Variants in STK39 observed in about 807,000 individuals in gnomAD.
STK39 encodes STE20/SPS1-related proline-alanine-rich protein kinase.
In STK39, 20 loss-of-function variants were observed where a neutral mutation model predicts 77.8. The observed-to-expected ratio is 0.26, with a 90% CI of 0.18 to 0.37. The LOEUF is 0.37. Ranked by LOEUF, STK39 falls within the 10% of genes least tolerant of loss-of-function variation. STK39 has a pLI of 1.00. For synonymous variants in STK39, 246 were observed against 234.1 expected (o/e 1.05, Z -0.47); for missense variants, 479 against 656.5 (o/e 0.73, Z 2.95).
chr2:168,161,909 GAA>G, intron 4 of STK39, 67 bp from the exon 5 acceptor site: 7 of 1,215,908 alleles, frequency 5.8e-6, no homozygotes, highest in Non-Finnish European at 8.2e-6. Context: ...ATTCACTCAG[GAA>G]GATTTTAAAA....
chr2:168,021,089 T>A (rs1684559243), intron 14 of STK39, among the ~76,000 whole-genome samples: 1 of 152,210 alleles, frequency 6.6e-6, no homozygotes, highest in Non-Finnish European at 1.5e-5. Flanking sequence ...GGAATTTGGT[T>A]GGACATTAAT....
intron 10 of STK39, among the ~76,000 whole-genome samples, chr2:168,092,014 T>C (rs534129203): frequency 1.6e-4 from 24 of 152,194 alleles, no homozygotes; most frequent in Non-Finnish European, 2.5e-4. Flanking sequence ...TTTTTCAGTT[T>C]ACTTATTCAA....
intron 14 of STK39, among the ~76,000 whole-genome samples, chr2:168,043,371 A>C (rs1685157941): frequency 6.6e-6 from 1 of 152,200 alleles, no homozygotes; most frequent in Non-Finnish European, 1.5e-5. Flanking sequence ...ATGATTCCTA[A>C]TTTTTAAATT....
chr2:168,076,803 G>A (rs532112779), intron 10 of STK39, among the ~76,000 whole-genome samples: 7 of 151,594 alleles, frequency 4.6e-5, no homozygotes, highest in Non-Finnish European at 8.8e-5. Context: ...TATTTCTTCC[G>A]CTTGCATTTT....
At chr2:168,227,357 T>C (rs1431549141) in intron 1 of STK39, among the ~76,000 whole-genome samples, 2 of 152,220 alleles carry the variant, frequency 1.3e-5, no homozygotes, top group Non-Finnish European at 2.9e-5. Flanking sequence ...TGCCAAAAGC[T>C]ATTTTGTCCT....
At chr2:167,995,323 T>G (rs1683808956) in intron 16 of STK39, among the ~76,000 whole-genome samples, 1 of 152,134 alleles carries the variant, frequency 6.6e-6, no homozygotes, top group South Asian at 2.1e-4. Context: ...TGGGCTAGGA[T>G]GGTCTCGATC....
chr2:168,191,036 C>T (rs1689327247), intron 1 of STK39, among the ~76,000 whole-genome samples: 1 of 152,188 alleles, frequency 6.6e-6, no homozygotes, highest in African/African-American at 2.4e-5. Flanking sequence ...GTGGTGGTGG[C>T]TTCTGATTCC....
chr2:168,113,979 C>T (rs527973513), intron 10 of STK39, among the ~76,000 whole-genome samples: 1 of 152,198 alleles, frequency 6.6e-6, no homozygotes, highest in African/African-American at 2.4e-5. Context: ...TTTGTTCAAA[C>T]AGATGCATTC....
intron 1 of STK39, among the ~76,000 whole-genome samples, chr2:168,212,909 C>CA (rs1360521638): frequency 7.9e-5 from 12 of 152,088 alleles, no homozygotes; most frequent in East Asian, 1.9e-4. Context: ...CTTGAAACCA[C>CA]AAAAAAGATA....
chr2:168,109,118 T>G (rs369432199), intron 10 of STK39, among the ~76,000 whole-genome samples: 73 of 152,318 alleles, frequency 4.8e-4, no homozygotes, highest in African/African-American at 1.7e-3. Context: ...GTTGTTGCGA[T>G]GTAATATTCA....
In STK39 at chr2:168,048,458, G is replaced by A. The variant is rs188877075; in HGVS notation, c.1376+15042C>T. ...CGATCTCCTGACCTCGTGATCCGCCGGCCTTGGCCTCCCAAAGTGCTGGGA... is the reference window on the plus strand; with the variant it reads ...CGATCTCCTGACCTCGTGATCCGCCAGCCTTGGCCTCCCAAAGTGCTGGGA... On this transcript the variant is annotated intron_variant, in intron 14 of 17. Transcript: ENST00000355999. 7.7e-3 allele frequency among the ~76,000 whole-genome samples: 1,171 copies of A among 151,820 alleles called. 20 individuals are homozygous for A. Among genetic ancestry groups the A allele is most frequent in the African/African-American group, 0.027 (1,116 of 41,428 alleles).
At chr2:168,125,722 A>C (rs1275292811) in intron 10 of STK39, among the ~76,000 whole-genome samples, 1 of 152,178 alleles carries the variant, frequency 6.6e-6, no homozygotes, top group Non-Finnish European at 1.5e-5. Context: ...CACACCCAAA[A>C]AAAATGTTTT....
chr2:168,225,186 G>A (rs1401713984), intron 1 of STK39, among the ~76,000 whole-genome samples: 1 of 152,086 alleles, frequency 6.6e-6, no homozygotes, highest in Middle Eastern at 3.2e-3. Flanking sequence ...AATCTTCCAG[G>A]GGATATTAAC....
intron 1 of STK39, among the ~76,000 whole-genome samples, chr2:168,206,326 G>T (rs1313131404): frequency 2.7e-5 from 4 of 150,832 alleles, no homozygotes; most frequent in Admixed American, 2.0e-4. Flanking sequence ...TTGAGACGGG[G>T]TTTCTTTCTT....
Position 168,215,187 on chromosome 2 carries a change from C to T in STK39, c.208+32041G>A, listed in dbSNP as rs948986625. 2.0e-5 allele frequency among the ~76,000 whole-genome samples: 3 copies of T among 152,086 alleles called. No individual in the cohort carries two copies. The South Asian group carries it at 6.2e-4, about 31-fold the overall frequency. On this transcript the variant is annotated intron_variant, in intron 1 of 17. Coordinates refer to ENST00000355999, the MANE Select transcript of STK39 (RefSeq NM_013233.3). The stretch of plus-strand genomic sequence containing the variant: ...TTAAATTGTAGAGTTGTTTTTTATG[C>T]ATCCTTCATAGCCAGACTGCTCCCA...
chr2:168,170,954 T>A (rs1032545982), intron 2 of STK39, among the ~76,000 whole-genome samples: 2 of 152,124 alleles, frequency 1.3e-5, no homozygotes, highest in Non-Finnish European at 2.9e-5. Context: ...AGGTCAAAGA[T>A]GGGAGAAACT....
At chr2:168,074,229 G>T (rs1353772520) in intron 12 of STK39, among the ~76,000 whole-genome samples, 1 of 152,154 alleles carries the variant, frequency 6.6e-6, no homozygotes. Flanking sequence ...AATTGGGATG[G>T]ATATCATTTG....
intron 1 of STK39, among the ~76,000 whole-genome samples, chr2:168,245,110 T>C (rs904375974): frequency 6.6e-6 from 1 of 152,252 alleles, no homozygotes; most frequent in African/African-American, 2.4e-5. Context: ...ATGTGGCAGA[T>C]ACCATTATTC....
intron 10 of STK39, among the ~76,000 whole-genome samples, chr2:168,117,380 T>G (rs531833196): frequency 6.6e-6 from 1 of 152,132 alleles, no homozygotes; most frequent in Non-Finnish European, 1.5e-5. Context: ...AAACTTCAAT[T>G]TGAAAAATAG....
Sources: gnomAD v4.1 joint callset for allele counts (sites outside exome capture counted in the v4.1 genomes callset) on GRCh38, gnomAD v4.1.1 for gene constraint, MANE v1.5 for transcripts, NCBI Gene and HGNC (gene_info 2026-07-23, HGNC 2026-07-21) for gene names.